CACNB2: variants seen among roughly 807,000 people sequenced by gnomAD.
CACNB2 encodes the protein voltage-dependent L-type calcium channel subunit beta-2.
Under a neutral mutation model 73.3 loss-of-function variants are expected in CACNB2, and 42 were observed. The observed-to-expected ratio is 0.57, with a 90% CI of 0.45 to 0.74. The LOEUF (loss-of-function observed/expected upper bound fraction) is 0.74. Among genes scored for constraint, CACNB2 ranks in the 30% least tolerant of loss-of-function variants. The probability of loss-of-function intolerance (pLI) is 0.00; values close to 1 mark genes in which losing one functional copy is unlikely to be tolerated. For synonymous variants in CACNB2, 348 were observed against 310.3 expected (o/e 1.12, Z -1.28); for missense variants, 940 against 853.0 (o/e 1.10, Z -1.27).
intron 12 of CACNB2, among the ~76,000 whole-genome samples, chr10:18,537,490 T>C (rs2053715484): frequency 6.6e-6 from 1 of 152,020 alleles, no homozygotes. Context: ...GATTTCATAA[T>C]CTTGGGCCGG....
At chr10:18,319,271 A>C (rs978265111) in intron 2 of CACNB2, among the ~76,000 whole-genome samples, 8 of 152,190 alleles carry the variant, frequency 5.3e-5, no homozygotes, top group South Asian at 2.1e-4. Context: ...GCAGCCATAA[A>C]AAGGAATGAG....
intron 2 of CACNB2, among the ~76,000 whole-genome samples, chr10:18,352,224 G>A (rs180737778): frequency 1.2e-4 from 18 of 152,278 alleles, no homozygotes; most frequent in Admixed American, 4.6e-4. Context: ...CTTTCTGATC[G>A]CATGAGTTGA....
intron 3 of CACNB2, among the ~76,000 whole-genome samples, chr10:18,466,652 A>C (rs989261199): frequency 3.9e-5 from 6 of 152,174 alleles, no homozygotes; most frequent in African/African-American, 1.4e-4. Context: ...TCCATTGTAG[A>C]TACTAGCAAT....
At chr10:18,206,194 G>T (rs1441017071) in intron 2 of CACNB2, 1 of 152,372 alleles carries the variant, frequency 6.6e-6, no homozygotes, top group Non-Finnish European at 1.5e-5. Context: ...GTTTCGCTAT[G>T]TTGGCCAGGC....
intron 2 of CACNB2, among the ~76,000 whole-genome samples, chr10:18,214,532 C>T (rs1209688820): frequency 1.6e-5 from 1 of 62,478 alleles, no homozygotes; most frequent in East Asian, 3.4e-4. Flanking sequence ...GTGGCTGAGG[C>T]AGGAGAATCG....
intron 2 of CACNB2, among the ~76,000 whole-genome samples, chr10:18,172,924 C>CTTTTTTTTTTTTTTTT (rs58345605): frequency 6.0e-5 from 7 of 117,472 alleles, no homozygotes; most frequent in East Asian, 5.5e-4. Flanking sequence ...ATAATAAGGC[C>CTTTTTTTTTTTTTTTT]TTTTTTTTTT....
intron 2 of CACNB2, among the ~76,000 whole-genome samples, chr10:18,259,316 A>G (rs1047646453): frequency 1.3e-5 from 2 of 152,088 alleles, no homozygotes; most frequent in Non-Finnish European, 2.9e-5. Context: ...TTGTAATCCT[A>G]GCACTTTGGG....
At chr10:18,225,040 C>T (rs7895387) in intron 2 of CACNB2, among the ~76,000 whole-genome samples, 2,550 of 152,248 alleles carry the variant, frequency 0.017, 75 homozygotes, top group African/African-American at 0.058. Flanking sequence ...TCTGTTTGCT[C>T]AAGGCCAAGG....
intron 2 of CACNB2, among the ~76,000 whole-genome samples, chr10:18,302,131 C>T (rs2039545335): frequency 6.6e-6 from 1 of 152,128 alleles, no homozygotes; most frequent in Non-Finnish European, 1.5e-5. Flanking sequence ...CACATCAGGC[C>T]TCCCAACTTG....
chr10:18,449,156 G>T (rs565705067), intron 3 of CACNB2, among the ~76,000 whole-genome samples: 6 of 152,128 alleles, frequency 3.9e-5, no homozygotes, highest in African/African-American at 1.4e-4. Flanking sequence ...GGGCTGAGGC[G>T]GGTGGATCAC....
chr10:18,506,701 A>C (rs1464057999), intron 6 of CACNB2, among the ~76,000 whole-genome samples, 154 bp downstream of exon 6: 4 of 152,238 alleles, frequency 2.6e-5, no homozygotes, highest in Non-Finnish European at 5.9e-5. Context: ...TTGGAGTTAC[A>C]AACAATATGG....
At chr10:18,308,864 C>T (rs1413808264) in intron 2 of CACNB2, among the ~76,000 whole-genome samples, 2 of 152,168 alleles carry the variant, frequency 1.3e-5, no homozygotes, top group Non-Finnish European at 2.9e-5. Context: ...CAAATGTCAT[C>T]AGCTCACTGA....
In CACNB2 at chr10:18,426,166, T is replaced by C. The variant is rs531146432; in HGVS notation, c.333+24123T>C. On this transcript the variant is annotated intron_variant, in intron 3 of 13. Transcript: ENST00000324631. Reference sequence around the variant, plus strand: ...ACACAAACATACCCTGCTGACATTTTGTTTGGGGTTGCATTTAAGTCTGTA... The same window carrying C: ...ACACAAACATACCCTGCTGACATTTCGTTTGGGGTTGCATTTAAGTCTGTA... Among the ~76,000 whole-genome samples the C allele has an allele frequency of 4.6e-5, 7 of 152,324 alleles. No individual in the cohort carries two copies. The East Asian group carries it at 1.3e-3, about 29-fold the overall frequency.
intron 2 of CACNB2, among the ~76,000 whole-genome samples, chr10:18,283,722 G>A (rs1163890108): frequency 3.3e-5 from 5 of 151,664 alleles, no homozygotes; most frequent in Non-Finnish European, 7.4e-5. Context: ...TAATGTAAAT[G>A]ACGAGTTAAT....
At chr10:18,199,632 A>G (rs2131304175) in intron 2 of CACNB2, among the ~76,000 whole-genome samples, 1 of 152,306 alleles carries the variant, frequency 6.6e-6, no homozygotes, top group Non-Finnish European at 1.5e-5. Context: ...CTTATAAGGT[A>G]TACCAGATGT....
At chr10:18,315,528 A>AAAT (rs1306024951) in intron 2 of CACNB2, among the ~76,000 whole-genome samples, 2 of 90,210 alleles carry the variant, frequency 2.2e-5, no homozygotes, top group Non-Finnish European at 4.9e-5. Context: ...AAAAAAAAAA[A>AAAT]CTTTTTTTTT....
intron 2 of CACNB2, among the ~76,000 whole-genome samples, chr10:18,182,992 T>C (rs887226470): frequency 7.2e-5 from 11 of 152,060 alleles, no homozygotes; most frequent in African/African-American, 2.7e-4. Flanking sequence ...AATTGAATTG[T>C]AACATCTTTT....
intron 2 of CACNB2, among the ~76,000 whole-genome samples, chr10:18,373,811 T>C (rs2042684582): frequency 6.6e-6 from 1 of 152,226 alleles, no homozygotes; most frequent in South Asian, 2.1e-4. Flanking sequence ...ATTTATCCAG[T>C]AGATCTCTAC....
At chr10:18,465,801 C>T (rs1369067597) in intron 3 of CACNB2, among the ~76,000 whole-genome samples, 5 of 152,038 alleles carry the variant, frequency 3.3e-5, no homozygotes, top group African/African-American at 4.8e-5. Context: ...CCTGCCTCAG[C>T]CTCCCGAGTA....
Sources: allele counts gnomAD v4.1 joint callset (sites outside exome capture counted in the v4.1 genomes callset), GRCh38; gene constraint gnomAD v4.1.1; transcripts MANE v1.5; gene names NCBI Gene and HGNC (gene_info 2026-07-23, HGNC 2026-07-21).